Variants in ZNF335 observed in about 807,000 individuals in gnomAD.
The protein encoded by ZNF335 is NRC-interacting factor 1.
Under a neutral mutation model 145.6 loss-of-function variants are expected in ZNF335, and 84 were observed. The ratio of observed to expected loss-of-function variants is 0.58; its 90% confidence interval spans 0.48 to 0.69. The LOEUF is 0.69. ZNF335 is among the 30% of genes least tolerant of loss of function. ZNF335 has a pLI of 0.00. For missense variants in ZNF335, 1,865 were observed against 1,809.7 expected (o/e 1.03, Z -0.55); for synonymous variants, 761 against 717.0 (o/e 1.06, Z -0.98).
chr20:45,960,139 CT>C, intron 14 of ZNF335, 68 bp downstream of exon 14: 1 of 1,566,548 alleles, frequency 6.4e-7, no homozygotes, highest in Non-Finnish European at 8.7e-7. Flanking sequence ...AGGATGGGAG[CT>C]AAGCCTCTGA....
intron 5 of ZNF335, 40 bp downstream of exon 5, chr20:45,967,694 T>G (rs531028410): frequency 9.3e-6 from 15 of 1,609,196 alleles, no homozygotes; most frequent in Non-Finnish European, 1.3e-5. Context: ...ACCCCACCCC[T>G]ACCCATGCAG....
rs575555536 is a variant in ZNF335, at chr20:45,962,988, T to C, written c.1533+485A>G. ...ACCACCATGCCCAGCTAATTTTGTATTTTTAGTAGAGATGGGGTTTCTCCA... is the reference window on the plus strand; with the variant it reads ...ACCACCATGCCCAGCTAATTTTGTACTTTTAGTAGAGATGGGGTTTCTCCA... On this transcript the variant is annotated intron_variant, in intron 9 of 27. Transcript: ENST00000322927. Among the ~76,000 whole-genome samples, 6 of 151,990 alleles carry C rather than the reference T, an allele frequency of 3.9e-5. No homozygotes were observed. The South Asian group carries it at 1.2e-3, about 32-fold the overall frequency.
chr20:45,971,111 C>A, intron 2 of ZNF335, 99 bp downstream of exon 2: 1 of 1,432,232 alleles, frequency 7.0e-7, no homozygotes, highest in Non-Finnish European at 9.1e-7. Flanking sequence ...ACCAGAAACA[C>A]CAAGTATTAG....
At chr20:45,955,102 G>A (rs2083703400) in intron 17 of ZNF335, among the ~76,000 whole-genome samples, 1 of 152,054 alleles carries the variant, frequency 6.6e-6, no homozygotes, top group African/African-American at 2.4e-5. Context: ...TGTAATTCCA[G>A]CACTCTGGAA....
chr20:45,969,636 G>T lies in ZNF335; in HGVS notation c.257C>A (p.Pro86His). 6 of 1,611,498 alleles carry T rather than the reference G, an allele frequency of 3.7e-6. No individual in the cohort carries two copies. The highest frequency in any genetic ancestry group is 5.1e-6 in the Non-Finnish European group (6 of 1,178,446). The change falls in exon 3 of 28, where the codon CCT (proline) becomes CAT (histidine). Residue 86 changes from proline (P) to histidine (H), a missense_variant. By Grantham distance (77) the Pro-to-His change is moderately conservative. Coordinates refer to ENST00000322927, the MANE Select transcript of ZNF335 (RefSeq NM_022095.4). ...CCCATGAGACACAGACGATGAATCA[G>T]GGAGGTAGCTATTAGGCAGGGGGTC... Reference protein sequence around the residue: ...SADPLPNSYLPDSSSVSHGPV... With the variant: ...SADPLPNSYLHDSSSVSHGPV...
intron 5 of ZNF335, 36 bp from the exon 6 acceptor site, chr20:45,967,670 G>A: frequency 1.2e-6 from 2 of 1,611,702 alleles, no homozygotes; most frequent in Non-Finnish European, 1.7e-6. Flanking sequence ...AGCTTGCCAT[G>A]TCTGGCTCCC....
Position 45,967,901 on chromosome 20 carries a change from G to C in ZNF335, c.647C>G (p.Pro216Arg). Residue 216 changes from proline (P) to arginine (R), a missense_variant, in exon 5 of 28, where the codon CCG becomes CGG. Pro to Arg is a moderately radical substitution (Grantham distance 103). Coordinates refer to ENST00000322927, the MANE Select transcript of ZNF335 (RefSeq NM_022095.4). Reference protein sequence around the residue: ...CLEAQGGPSSPVQLPPASGAE... With the variant: ...CLEAQGGPSSRVQLPPASGAE... ...ACCGGAGGCTGGGGGCAGCTGCACC[G>C]GGGAGCTGGGCCCACCCTGTGCCTC... The C allele has an allele frequency of 6.2e-7, 1 of 1,612,570 alleles. No individual in the cohort carries two copies. The highest frequency in any genetic ancestry group is 8.5e-7 in the Non-Finnish European group (1 of 1,179,622).
At chr20:45,967,259 T>C in intron 6 of ZNF335, 2 of 589,034 alleles carry the variant, frequency 3.4e-6, no homozygotes, top group South Asian at 2.0e-5. Context: ...TTTACTTGTA[T>C]TCTATTTCTG....
chr20:45,971,870 G>A, intron 1 of ZNF335: 3 of 985,348 alleles, frequency 3.0e-6, no homozygotes, highest in Non-Finnish European at 3.6e-6. Flanking sequence ...GGAGGCGGCT[G>A]ACAGCGACGG....
chr20:45,950,866 G>A (rs185286412), intron 20 of ZNF335, among the ~76,000 whole-genome samples: 1 of 151,898 alleles, frequency 6.6e-6, no homozygotes, highest in Non-Finnish European at 1.5e-5. Flanking sequence ...TGTTAGATGA[G>A]GGGACCTGTG....
rs767349785 is a variant in ZNF335 at position 45,960,192 on chromosome 20, G to T, written c.2020+16C>A. 30 of 1,613,392 alleles carry T rather than the reference G, an allele frequency of 1.9e-5. No homozygotes were observed. Among genetic ancestry groups the T allele is most frequent in the Non-Finnish European group, 2.4e-5 (28 of 1,179,880 alleles). On this transcript the variant is annotated intron_variant, in intron 14 of 27. Coordinates refer to ENST00000322927, the MANE Select transcript of ZNF335 (RefSeq NM_022095.4). Reference sequence around the variant, plus strand: ...CTGAGGGCTGGTGAGTGGGGCTGGGGTGTGTCCAGCCTGACCTGTGTGCTT... The same window carrying T: ...CTGAGGGCTGGTGAGTGGGGCTGGGTTGTGTCCAGCCTGACCTGTGTGCTT...
Position 45,948,954 on chromosome 20 carries a change from C to T in ZNF335, c.4028G>A (p.Ter1343=). The T allele has an allele frequency of 6.2e-7, 1 of 1,613,868 alleles. No homozygotes were observed. Among genetic ancestry groups the T allele is most frequent in the Non-Finnish European group, 8.5e-7 (1 of 1,180,020 alleles). The stretch of plus-strand genomic sequence containing the variant: ...TGATCTGTGTTGGGCCCTCGGGGCT[C>T]AGTCATCGGCCAGGGTGATGACGTC... The part of the protein sequence containing the change: ...EYDVITLADD[*] The change falls in exon 28 of 28, where the codon TGA becomes TAA. Residue 1343 remains the stop codon, a stop_retained_variant. Transcript: ENST00000322927.
At chr20:45,964,308 T>G in intron 7 of ZNF335, 2 of 268,688 alleles carry the variant, frequency 7.4e-6, no homozygotes, top group Non-Finnish European at 1.4e-5. Context: ...GACAAAGCCA[T>G]TCCTCTCCCG....
Position 45,950,593 on chromosome 20 carries a change from C to T in ZNF335, c.3192G>A (p.Ala1064=), listed in dbSNP as rs369592262. 4.1e-5 allele frequency: 66 copies of T among 1,613,822 alleles called. No individual in the cohort carries two copies. The African/African-American group carries it at 4.7e-4, about 11-fold the overall frequency. The change falls in exon 21 of 28, where the codon GCG becomes GCA. Residue 1064 remains alanine (A), a splice_region_variant and synonymous_variant. Coordinates refer to ENST00000322927, the MANE Select transcript of ZNF335 (RefSeq NM_022095.4). Reference sequence around the variant, plus strand: ...GTAGGCTTGAGTGCTGTGCCATGTGCGCCTGCAGAGAGGGCAGAGTTGGGG... The same window carrying T: ...GTAGGCTTGAGTGCTGTGCCATGTGTGCCTGCAGAGAGGGCAGAGTTGGGG... The part of the protein sequence containing the change: ...FSARQWPEVR[A]HMAQHSSLRP...
intron 9 of ZNF335, among the ~76,000 whole-genome samples, chr20:45,963,245 T>C (rs957794297): frequency 1.2e-4 from 19 of 152,330 alleles, no homozygotes; most frequent in Middle Eastern, 3.4e-3. Flanking sequence ...CTGTGCCGCC[T>C]GCAAAACCGC....
chr20:45,969,346 T>G, intron 3 of ZNF335, 105 bp downstream of exon 3: 1 of 1,349,088 alleles, frequency 7.4e-7, no homozygotes, highest in Non-Finnish European at 9.6e-7. Flanking sequence ...CTCTGCACAT[T>G]CCACATGGGA....
rs1203524975 is a variant in ZNF335, at chr20:45,971,354, G to C, written c.57C>G (p.Pro19=). The C allele has an allele frequency of 6.9e-6, 11 of 1,600,094 alleles. No individual in the cohort carries two copies. Among genetic ancestry groups the C allele is most frequent in the Non-Finnish European group, 8.5e-6 (10 of 1,179,538 alleles). ...CCAGGCCGCTCTCAGAGGGCTCCTC[G>C]GGCCGGCCAGGCCCAGGGGCCGCGT... ...SSDAAPGPGR[P]EEPSESGLGV... is the part of the protein sequence containing the mutation. The change falls in exon 2 of 28, where the codon CCC becomes CCG. Residue 19 remains proline, a synonymous_variant. Coordinates refer to ENST00000322927, the MANE Select transcript of ZNF335 (RefSeq NM_022095.4).
At chr20:45,961,932 C>T in intron 10 of ZNF335, 138 bp downstream of exon 10, 1 of 684,328 alleles carries the variant, frequency 1.5e-6, no homozygotes. Flanking sequence ...TGCCTTTCTG[C>T]TCATGCCTGT....
chr20:45,971,346 G>A lies in ZNF335; in HGVS notation c.65C>T (p.Pro22Leu), dbSNP rs1327865208. 3.1e-6 allele frequency: 5 copies of A among 1,599,826 alleles called. No homozygotes were observed. The highest frequency in any genetic ancestry group is 4.2e-6 in the Non-Finnish European group (5 of 1,179,446). ...AAPGPGRPEEPSESGLGVGTS... is the reference protein window; with the variant it reads ...AAPGPGRPEELSESGLGVGTS... Reference sequence around the variant, plus strand: ...GCCCACACCCAGGCCGCTCTCAGAGGGCTCCTCGGGCCGGCCAGGCCCAGG... The same window carrying A: ...GCCCACACCCAGGCCGCTCTCAGAGAGCTCCTCGGGCCGGCCAGGCCCAGG... Residue 22 changes from proline (P) to leucine (L), a missense_variant, in exon 2 of 28, where the codon CCC (proline) becomes CTC (leucine). Transcript: ENST00000322927.
Sources: gnomAD v4.1 joint callset for allele counts (sites outside exome capture counted in the v4.1 genomes callset) on GRCh38, gnomAD v4.1.1 for gene constraint, MANE v1.5 for transcripts, NCBI Gene and HGNC (gene_info 2026-07-23, HGNC 2026-07-21) for gene names.